Variants in CCDC144A observed in about 807,000 individuals in gnomAD.
The protein encoded by CCDC144A is coiled-coil domain-containing protein 144A.
CCDC144A carries 41 observed loss-of-function variants against 143.8 expected under a neutral mutation model. The observed-to-expected ratio is 0.29, with a 90% confidence interval of 0.22 to 0.37. The LOEUF is 0.37. CCDC144A is among the 10% of genes least tolerant of loss of function. The pLI is 1.00. For missense variants in CCDC144A, 637 were observed against 1,488.8 expected (o/e 0.43, Z 9.41); for synonymous variants, 242 against 517.9 (o/e 0.47, Z 7.23).
the CCDC144A span, among the ~76,000 whole-genome samples, chr17:16,670,898 T>A: frequency 1.3e-5 from 2 of 152,088 alleles, no homozygotes; most frequent in African/African-American, 2.4e-5. Flanking sequence ...AATAAGGTGG[T>A]TAAGAACATG....
chr17:16,680,622 GGGAA>G, the CCDC144A span, among the ~76,000 whole-genome samples: 4 of 143,852 alleles, frequency 2.8e-5, no homozygotes, highest in African/African-American at 7.8e-5. Context: ...GAAGGAATGA[GGGAA>G]GGAAGGAAGA....
intron 8 of CCDC144A, among the ~76,000 whole-genome samples, chr17:16,722,679 T>C (rs896672646): frequency 6.6e-6 from 1 of 152,334 alleles, no homozygotes; most frequent in African/African-American, 2.4e-5. Context: ...GTTCATCTTT[T>C]CCCACCTTCC....
upstream of CCDC144A, among the ~76,000 whole-genome samples, chr17:16,686,091 G>GT (rs67135656): frequency 7.4e-3 from 849 of 114,658 alleles, 2 homozygotes; most frequent in East Asian, 0.011. Flanking sequence ...TGTTTTTTTT[G>GT]TTTTTTTTTT....
At chr17:16,738,235 A>T (rs539607888) in intron 12 of CCDC144A, among the ~76,000 whole-genome samples, 2 of 143,588 alleles carry the variant, frequency 1.4e-5, no homozygotes, top group South Asian at 4.6e-4. Flanking sequence ...CTTTCATTTT[A>T]AATATATTGT....
intron 12 of CCDC144A, chr17:16,745,602 G>A (rs1001649130): frequency 1.9e-6 from 3 of 1,550,746 alleles, no homozygotes; most frequent in Non-Finnish European, 2.6e-6. Context: ...GCCCTCGCTC[G>A]TCCATGGAGG....
intron 12 of CCDC144A, chr17:16,745,614 C>T (rs1479378001): frequency 8.4e-6 from 13 of 1,556,860 alleles, no homozygotes; most frequent in Non-Finnish European, 1.1e-5. Flanking sequence ...CCATGGAGGC[C>T]AGGTGCGTGC....
At chr17:16,713,199 G>A (rs1912549898) in intron 6 of CCDC144A, among the ~76,000 whole-genome samples, 1 of 151,794 alleles carries the variant, frequency 6.6e-6, no homozygotes, top group Non-Finnish European at 1.5e-5. Context: ...AATTATAAAG[G>A]GCATAAGTGT....
At chr17:16,677,751 G>A in the CCDC144A span, among the ~76,000 whole-genome samples, 1 of 151,526 alleles carries the variant, frequency 6.6e-6, no homozygotes, top group African/African-American at 2.4e-5. Context: ...ATGTTGCAAT[G>A]AGCGGAGATC....
intron 9 of CCDC144A, among the ~76,000 whole-genome samples, chr17:16,728,538 C>T (rs1913545260): frequency 6.6e-6 from 1 of 151,864 alleles, no homozygotes; most frequent in Admixed American, 6.6e-5. Flanking sequence ...TTTTCTAAAC[C>T]CAAAGTAATT....
intron 6 of CCDC144A, among the ~76,000 whole-genome samples, chr17:16,716,822 T>C (rs1250771882): frequency 6.7e-6 from 1 of 149,970 alleles, no homozygotes; most frequent in Non-Finnish European, 1.5e-5. Flanking sequence ...GTTTTTTTTT[T>C]TTTTTTTTTG....
chr17:16,704,068 G>A (rs1263380073), intron 2 of CCDC144A, among the ~76,000 whole-genome samples: 2 of 152,210 alleles, frequency 1.3e-5, no homozygotes, highest in African/African-American at 2.4e-5. Flanking sequence ...AACCACATAT[G>A]TGGTTGTGGA....
chr17:16,758,964 G>C (rs946693478), intron 12 of CCDC144A, among the ~76,000 whole-genome samples: 7 of 152,202 alleles, frequency 4.6e-5, no homozygotes, highest in African/African-American at 1.4e-4. Flanking sequence ...TGTGTAGTAC[G>C]ACAGTGCCTT....
At chr17:16,684,771 C>G (rs1428480936), upstream of CCDC144A, among the ~76,000 whole-genome samples, 1 of 151,978 alleles carries the variant, frequency 6.6e-6, no homozygotes, top group Non-Finnish European at 1.5e-5. Context: ...TGAGACCAGC[C>G]TGGTTAACAT....
intron 6 of CCDC144A, among the ~76,000 whole-genome samples, chr17:16,714,974 T>A (rs1033923524): frequency 6.6e-6 from 1 of 152,252 alleles, no homozygotes; most frequent in Non-Finnish European, 1.5e-5. Flanking sequence ...TTTCCTCAGA[T>A]AGCCTCCTGG....
At chr17:16,716,314 G>T (rs1478699242) in intron 6 of CCDC144A, among the ~76,000 whole-genome samples, 1 of 152,054 alleles carries the variant, frequency 6.6e-6, no homozygotes, top group Non-Finnish European at 1.5e-5. Flanking sequence ...AATCTCCAGT[G>T]GGAAATGTTT....
At chr17:16,743,856 C>T (rs532129168) in intron 12 of CCDC144A, among the ~76,000 whole-genome samples, 1 of 152,300 alleles carries the variant, frequency 6.6e-6, no homozygotes, top group African/African-American at 2.4e-5. Context: ...TTCTTATAGT[C>T]CCCACTGTCT....
rs1482788315 is a variant in CCDC144A at position 16,718,400 on chromosome 17, GA to G, written c.1716-1797del. ...ATAGGGACAAGGATAACATGTTTAT[GA>G]GATTTAATTTTGTATGTCTAAGTGT... On this transcript the variant is annotated intron_variant, in intron 6 of 16. Coordinates refer to ENST00000399273, the MANE Select transcript of CCDC144A (RefSeq NM_001382000.1). Among the ~76,000 whole-genome samples, 3 of 152,282 alleles carry G rather than the reference GA, an allele frequency of 2.0e-5. No individual in the cohort carries two copies. The East Asian group carries it at 5.8e-4, about 29-fold the overall frequency.
chr17:16,750,468 C>G (rs1914739483), intron 12 of CCDC144A, among the ~76,000 whole-genome samples: 1 of 147,898 alleles, frequency 6.8e-6, no homozygotes, highest in Non-Finnish European at 1.5e-5. Flanking sequence ...CCTGATGCAG[C>G]TGTTATAGCT....
In CCDC144A at chr17:16,690,347, A is replaced by G; in HGVS notation, c.-54A>G. On this transcript the variant is annotated 5_prime_UTR_variant, in exon 1 of 17. Transcript: ENST00000399273. ...TGGCGGTCCTCCTTTCGCAGATTGGAAACCGCGGGCTATCCTGCTGGGAGG... is the reference window on the plus strand; with the variant it reads ...TGGCGGTCCTCCTTTCGCAGATTGGGAACCGCGGGCTATCCTGCTGGGAGG... 1 of 1,384,794 alleles carries G rather than the reference A, an allele frequency of 7.2e-7. No homozygotes were observed. The highest frequency in any genetic ancestry group is 9.6e-7 in the Non-Finnish European group (1 of 1,037,232). 85.8% of individuals were successfully genotyped at this position (1,384,794 alleles called of 1,614,324 possible). A position where few individuals can be genotyped will look rare whatever the true frequency, so the allele number is the denominator to read the frequency against.
Sources: gnomAD v4.1 joint callset for allele counts (sites outside exome capture counted in the v4.1 genomes callset) on GRCh38, gnomAD v4.1.1 for gene constraint, MANE v1.5 for transcripts, NCBI Gene and HGNC (gene_info 2026-07-23, HGNC 2026-07-21) for gene names.